The following MYO16 variants were observed in gnomAD, a reference collection of about 807,000 sequenced individuals.
The protein encoded by MYO16 is unconventional myosin-XVI.
In MYO16, 94 loss-of-function variants were observed where a neutral mutation model predicts 205.3. That is an observed-to-expected ratio of 0.46 (90% CI 0.39 to 0.54). The LOEUF is 0.54. MYO16 is among the 20% of genes least tolerant of loss of function. The pLI is 0.00. For missense variants in MYO16, 2,315 were observed against 2,387.5 expected, an observed-to-expected ratio of 0.97 and a Z score of 0.63; for synonymous variants, 988 against 954.0, an observed-to-expected ratio of 1.04 and a Z score of -0.66.
intron 2 of MYO16, among the ~76,000 whole-genome samples, chr13:108,677,850 C>T (rs1370384793): frequency 1.3e-5 from 2 of 152,176 alleles, no homozygotes; most frequent in Non-Finnish European, 2.9e-5. Flanking sequence ...CTCAGGTCTC[C>T]GATCCATCGA....
chr13:108,692,629 C>T (rs1026830508), intron 2 of MYO16, among the ~76,000 whole-genome samples: 9 of 152,272 alleles, frequency 5.9e-5, no homozygotes, highest in South Asian at 2.1e-4. Flanking sequence ...TATCTCTCTT[C>T]CTTAATGTGT....
intron 27 of MYO16, among the ~76,000 whole-genome samples, chr13:109,073,971 C>T (rs1366615004): frequency 3.3e-5 from 5 of 152,184 alleles, no homozygotes. Context: ...GAAGGTACTC[C>T]TTCAGTGTTT....
chr13:108,977,915 A>G (rs1050485804), intron 20 of MYO16, among the ~76,000 whole-genome samples: 33 of 152,114 alleles, frequency 2.2e-4, no homozygotes, highest in African/African-American at 7.5e-4. Flanking sequence ...TTATAGATTA[A>G]TATGGGAAAA....
intron 20 of MYO16, among the ~76,000 whole-genome samples, chr13:108,991,187 TC>T (rs1884816537): frequency 1.3e-5 from 2 of 152,132 alleles, no homozygotes; most frequent in African/African-American, 4.8e-5. Flanking sequence ...CATGCCGACG[TC>T]CCCATGCTAC....
chr13:108,960,048 G>A (rs920179302), intron 17 of MYO16, among the ~76,000 whole-genome samples: 1 of 151,868 alleles, frequency 6.6e-6, no homozygotes, highest in Non-Finnish European at 1.5e-5. Context: ...CAAGATGAGC[G>A]GATTGCTTGA....
chr13:108,507,248 A>G, the MYO16 span, among the ~76,000 whole-genome samples: 1 of 152,116 alleles, frequency 6.6e-6, no homozygotes, highest in African/African-American at 2.4e-5. Context: ...TCGTATTGCT[A>G]TCTAACACCT....
chr13:108,565,488 G>C, the MYO16 span, among the ~76,000 whole-genome samples: 1 of 151,992 alleles, frequency 6.6e-6, no homozygotes, highest in South Asian at 2.1e-4. Flanking sequence ...CTGACTCTTG[G>C]CATATAGAAA....
chr13:109,032,115 G>C (rs1406867797), intron 23 of MYO16, among the ~76,000 whole-genome samples: 1 of 152,132 alleles, frequency 6.6e-6, no homozygotes, highest in Non-Finnish European at 1.5e-5. Flanking sequence ...CCAGGTGTGG[G>C]TGATGCTCAT....
chr13:108,558,912 G>T, the MYO16 span, among the ~76,000 whole-genome samples: 1 of 151,564 alleles, frequency 6.6e-6, no homozygotes. Context: ...CTCATGTATT[G>T]GTGAGCACAG....
chr13:108,675,313 C>T (rs1459534325), intron 2 of MYO16, among the ~76,000 whole-genome samples: 1 of 152,182 alleles, frequency 6.6e-6, no homozygotes, highest in Non-Finnish European at 1.5e-5. Context: ...CACATAGATA[C>T]ATTCAGTGCA....
intron 15 of MYO16, among the ~76,000 whole-genome samples, chr13:108,908,987 A>AAAAT (rs1331629581): frequency 0.054 from 7,999 of 148,854 alleles, 696 homozygotes; most frequent in African/African-American, 0.18. Flanking sequence ...AAAATAAAAT[A>AAAAT]AAATAAATAA....
At chr13:108,858,040 C>A (rs1221195334) in intron 11 of MYO16, among the ~76,000 whole-genome samples, 1 of 152,300 alleles carries the variant, frequency 6.6e-6, no homozygotes, top group African/African-American at 2.4e-5. Flanking sequence ...GAAATCCCCT[C>A]TAATGGGTAG....
chr13:108,671,607 C>T (rs938417362), intron 2 of MYO16, among the ~76,000 whole-genome samples: 2 of 152,138 alleles, frequency 1.3e-5, no homozygotes, highest in African/African-American at 4.8e-5. Context: ...ATTTCAAATG[C>T]ATTATTGCAA....
intron 7 of MYO16, among the ~76,000 whole-genome samples, chr13:108,810,062 G>C (rs576376660): frequency 6.6e-6 from 1 of 152,330 alleles, no homozygotes; most frequent in East Asian, 1.9e-4. Context: ...GGTACAGACA[G>C]ATATCTTACT....
rs181143320 is a variant in MYO16 at position 108,780,788 on chromosome 13, C to A, written c.508-4847C>A. Among the ~76,000 whole-genome samples the A allele has an allele frequency of 2.9e-3, 441 of 152,264 alleles. 1 individual carries two copies. Among genetic ancestry groups the A allele is most frequent in the African/African-American group, 0.01 (422 of 41,550 alleles). On this transcript the variant is annotated intron_variant, in intron 4 of 34. Transcript: ENST00000457511. ...AGGAGATGAAAACAAGATCTGTGAG[C>A]AAGAAAGTTAGCAACTCTCAGAAAG... is the stretch of plus-strand genomic sequence containing the variant.
At chr13:109,187,875 T>C (rs572987654) in intron 34 of MYO16, among the ~76,000 whole-genome samples, 2 of 152,308 alleles carry the variant, frequency 1.3e-5, no homozygotes, top group South Asian at 4.1e-4. Context: ...TCTGGTTGGT[T>C]ACTTGTGTCC....
At chr13:109,157,703 C>A (rs149196103) in intron 32 of MYO16, among the ~76,000 whole-genome samples, 1 of 152,200 alleles carries the variant, frequency 6.6e-6, no homozygotes, top group East Asian at 1.9e-4. Context: ...TAGAATGCAC[C>A]CTGGATGTCC....
chr13:108,569,388 TATTCTTAAATGTTTCATTAGTTCTG>T, the MYO16 span, among the ~76,000 whole-genome samples: 4 of 152,182 alleles, frequency 2.6e-5, no homozygotes, highest in Admixed American at 2.6e-4. Flanking sequence ...TTGTTAAATT[TATTCTTAAATGTTTCATTAGTTCTG>T]ATGCTGTTGC....
intron 12 of MYO16, among the ~76,000 whole-genome samples, chr13:108,867,071 C>T (rs991485138): frequency 2.0e-5 from 3 of 151,920 alleles, no homozygotes; most frequent in African/African-American, 4.8e-5. Context: ...TGGCTGGACT[C>T]GGTGGTTCAT....
Sources: allele counts gnomAD v4.1 joint callset (sites outside exome capture counted in the v4.1 genomes callset), GRCh38; gene constraint gnomAD v4.1.1; transcripts MANE v1.5; gene names NCBI Gene and HGNC (gene_info 2026-07-23, HGNC 2026-07-21).